Variants in RIMKLB observed in about 807,000 individuals in gnomAD.
RIMKLB encodes ribosomal modification protein rimK like family member B.
A neutral mutation model predicts 32.0 loss-of-function variants in RIMKLB; 7 were observed. The observed-to-expected ratio is 0.22, with a 90% CI of 0.12 to 0.41. The LOEUF (loss-of-function observed/expected upper bound fraction) is 0.41, where lower values mean the gene tolerates loss of function less well. Ranked by LOEUF, RIMKLB falls within the 10% of genes least tolerant of loss-of-function variation. The pLI, the probability that RIMKLB is intolerant of heterozygous loss-of-function variation, is 1.00. For missense variants in RIMKLB, 289 were observed against 498.7 expected (o/e 0.58, Z 4.00); for synonymous variants, 172 against 185.1 (o/e 0.93, Z 0.57).
intron 5 of RIMKLB, among the ~76,000 whole-genome samples, chr12:8,762,310 A>T (rs1949593428): frequency 6.6e-6 from 1 of 152,292 alleles, no homozygotes; most frequent in South Asian, 2.1e-4. Flanking sequence ...AGGGGAGGAA[A>T]CTACATCCTC....
intron 2 of RIMKLB, chr12:8,742,286 A>G (rs1331038203): frequency 6.4e-6 from 1 of 156,828 alleles, no homozygotes; most frequent in Non-Finnish European, 1.4e-5. Context: ...AAGGGAAAGC[A>G]TGTGGATTTT....
chr12:8,761,304 C>T (rs750593918), intron 5 of RIMKLB, among the ~76,000 whole-genome samples: 23 of 145,660 alleles, frequency 1.6e-4, no homozygotes, highest in Admixed American at 2.7e-4. Flanking sequence ...ATTTGTTTTT[C>T]CAAATTGCCC....
At chr12:8,723,804 C>CTTTTTTTTTTTTTTTTTTTTT (rs35269536) in intron 2 of RIMKLB, among the ~76,000 whole-genome samples, 1 of 75,502 alleles carries the variant, frequency 1.3e-5, no homozygotes. Context: ...CTTCAGTTCC[C>CTTTTTTTTTTTTTTTTTTTTT]TTTTTTTTTT....
At chr12:8,675,818 G>C in the RIMKLB span, among the ~76,000 whole-genome samples, 1 of 149,106 alleles carries the variant, frequency 6.7e-6, no homozygotes, top group African/African-American at 2.5e-5. Context: ...TTTAACGGAA[G>C]TGTAATAGTC....
chr12:8,736,660 T>C (rs1202485057), intron 2 of RIMKLB, among the ~76,000 whole-genome samples: 1 of 151,798 alleles, frequency 6.6e-6, no homozygotes, highest in Non-Finnish European at 1.5e-5. Context: ...TTTGTTTGTT[T>C]TTTGTGGAGA....
upstream of RIMKLB, among the ~76,000 whole-genome samples, chr12:8,678,555 C>T (rs772990510): frequency 2.0e-5 from 3 of 151,658 alleles, no homozygotes; most frequent in South Asian, 2.1e-4. Flanking sequence ...CTCGAACTCC[C>T]GACTTCAGGT....
At chr12:8,730,699 A>G (rs1423399143) in intron 2 of RIMKLB, among the ~76,000 whole-genome samples, 2 of 152,216 alleles carry the variant, frequency 1.3e-5, no homozygotes, top group Non-Finnish European at 2.9e-5. Flanking sequence ...AAGGGTGAAT[A>G]AAATACCATC....
At chr12:8,716,431 CTTTTTT>C (rs11307521) in intron 2 of RIMKLB, among the ~76,000 whole-genome samples, 1 of 81,682 alleles carries the variant, frequency 1.2e-5, no homozygotes, top group Admixed American at 1.4e-4. Flanking sequence ...ATTAACATGT[CTTTTTT>C]TTTTTTTTTT....
chr12:8,723,828 T>TTTTTG (rs1491339994), intron 2 of RIMKLB, among the ~76,000 whole-genome samples: 1 of 143,246 alleles, frequency 7.0e-6, no homozygotes, highest in Non-Finnish European at 1.5e-5. Flanking sequence ...TTTTTTTTTT[T>TTTTTG]GGAGACAGAG....
intron 1 of RIMKLB, among the ~76,000 whole-genome samples, chr12:8,712,928 A>T (rs797006434): frequency 5.4e-4 from 82 of 152,196 alleles, no homozygotes; most frequent in African/African-American, 1.9e-3. Context: ...GGTAAACATT[A>T]AAAAAAATCG....
chr12:8,678,035 G>T (rs1942354386), upstream of RIMKLB, among the ~76,000 whole-genome samples: 1 of 151,700 alleles, frequency 6.6e-6, no homozygotes, highest in Non-Finnish European at 1.5e-5. Context: ...GCTCACCTTA[G>T]CCTCCCAAAG....
chr12:8,747,488 T>A (rs1164278334), intron 2 of RIMKLB, among the ~76,000 whole-genome samples: 1 of 152,160 alleles, frequency 6.6e-6, no homozygotes, highest in East Asian at 1.9e-4. Flanking sequence ...ACTATTACCA[T>A]GTTTAAAAGT....
upstream of RIMKLB, among the ~76,000 whole-genome samples, chr12:8,677,916 C>G (rs913819804): frequency 6.0e-5 from 9 of 149,626 alleles, no homozygotes; most frequent in Non-Finnish European, 1.3e-4. Context: ...CCATGCCTGG[C>G]TAATTTATTT....
intron 1 of RIMKLB, among the ~76,000 whole-genome samples, chr12:8,703,719 C>T (rs1943609022): frequency 6.6e-6 from 1 of 152,100 alleles, no homozygotes; most frequent in Non-Finnish European, 1.5e-5. Flanking sequence ...TGTGCCTGGC[C>T]CCTACCACTT....
chr12:8,712,903 A>G (rs1297952077), intron 1 of RIMKLB, among the ~76,000 whole-genome samples: 2 of 152,132 alleles, frequency 1.3e-5, no homozygotes, highest in Admixed American at 6.5e-5. Context: ...ATGATACTTG[A>G]CATTTTGTTT....
chr12:8,703,646 C>T (rs1285908518), intron 1 of RIMKLB, among the ~76,000 whole-genome samples: 1 of 152,112 alleles, frequency 6.6e-6, no homozygotes, highest in African/African-American at 2.4e-5. Context: ...TCTCAAACTC[C>T]TGGCCTCAAG....
chr12:8,766,279 A>AC (rs1327021228), intron 5 of RIMKLB, among the ~76,000 whole-genome samples: 1 of 152,054 alleles, frequency 6.6e-6, no homozygotes, highest in African/African-American at 2.4e-5. Flanking sequence ...GCAGTCCTGC[A>AC]CCTGTTTTCC....
chr12:8,749,756 A>G, intron 2 of RIMKLB, 106 bp from the exon 3 acceptor site: 2 of 733,782 alleles, frequency 2.7e-6, no homozygotes, highest in Non-Finnish European at 4.5e-6. Context: ...AATATTAACA[A>G]AATAGTACAT....
At position 8,713,841 on chromosome 12, in the gene RIMKLB, A is replaced by G. The variant is rs764458400; in HGVS notation, c.-26A>G. On this transcript the variant is annotated 5_prime_UTR_variant, in exon 2 of 6. Transcript: ENST00000535829. Reference sequence around the variant, plus strand: ...CGTTACATCCAAGAGGAAATAATCCAGGCAAGGAAGCACAAGCTGATCAAG... The same window carrying G: ...CGTTACATCCAAGAGGAAATAATCCGGGCAAGGAAGCACAAGCTGATCAAG... The G allele has an allele frequency of 2.5e-6, 4 of 1,613,326 alleles. No homozygotes were observed. The Admixed American group carries it at 6.7e-5, about 27-fold the overall frequency.
Sources: allele counts gnomAD v4.1 joint callset (sites outside exome capture counted in the v4.1 genomes callset), GRCh38; gene constraint gnomAD v4.1.1; transcripts MANE v1.5; gene names NCBI Gene and HGNC (gene_info 2026-07-23, HGNC 2026-07-21).